CABCOCO1: variants seen among roughly 807,000 people sequenced by gnomAD.
The protein encoded by CABCOCO1 is ciliary associated calcium binding coiled-coil 1, also known as ciliary-associated calcium-binding coiled-coil protein 1.
CABCOCO1 carries 28 observed loss-of-function variants against 35.7 expected under a neutral mutation model. The ratio of observed to expected loss-of-function variants is 0.78; its 90% CI spans 0.58 to 1.07. CABCOCO1 has a LOEUF of 1.07. CABCOCO1 is among the 50% of genes least tolerant of loss of function. The pLI is 0.00. For missense variants in CABCOCO1, 326 were observed against 309.2 expected (o/e 1.05, Z -0.41); for synonymous variants, 95 against 100.1 (o/e 0.95, Z 0.30).
At chr10:61,675,016 T>C (rs1589111615) in intron 2 of CABCOCO1, among the ~76,000 whole-genome samples, 1 of 152,200 alleles carries the variant, frequency 6.6e-6, no homozygotes, top group East Asian at 1.9e-4. Context: ...GGTTTATTTC[T>C]GCATGTCATA....
At chr10:61,703,232 AC>A (rs1840505661) in intron 5 of CABCOCO1, among the ~76,000 whole-genome samples, 2 of 131,644 alleles carry the variant, frequency 1.5e-5, no homozygotes, top group Non-Finnish European at 3.4e-5. Flanking sequence ...GAGGAGACAC[AC>A]ACACACACAC....
chr10:61,667,379 G>T (rs926089633), intron 1 of CABCOCO1, among the ~76,000 whole-genome samples: 1 of 150,824 alleles, frequency 6.6e-6, no homozygotes, highest in African/African-American at 2.4e-5. Context: ...ATCTATTTTG[G>T]AAAGTTCACT....
At chr10:61,692,466 G>A (rs1384978029) in intron 5 of CABCOCO1, among the ~76,000 whole-genome samples, 1 of 152,118 alleles carries the variant, frequency 6.6e-6, no homozygotes, top group African/African-American at 2.4e-5. Flanking sequence ...AAGGGGCTTT[G>A]TTGCCTCCTA....
intron 5 of CABCOCO1, among the ~76,000 whole-genome samples, chr10:61,751,358 CA>C (rs1841780800): frequency 6.6e-6 from 1 of 151,492 alleles, no homozygotes; most frequent in African/African-American, 2.4e-5. Flanking sequence ...TTGAATCCTT[CA>C]AAAAATAGAA....
intron 5 of CABCOCO1, among the ~76,000 whole-genome samples, chr10:61,713,071 C>T (rs1165412933): frequency 6.6e-6 from 1 of 152,160 alleles, no homozygotes; most frequent in African/African-American, 2.4e-5. Flanking sequence ...ATGGGGATGG[C>T]ATTGAATCTA....
In CABCOCO1 at chr10:61,766,359, A is replaced by G. The variant is rs190183664; in HGVS notation, c.*346A>G. 6.1e-6 allele frequency: 1 copy of G among 164,232 alleles called. No homozygotes were observed. The highest frequency in any genetic ancestry group is 1.7e-4 in the East Asian group (1 of 5,980). 10.2% of individuals were successfully genotyped at this position (164,232 alleles called of 1,614,324 possible). On this transcript the variant is annotated 3_prime_UTR_variant, in exon 8 of 8. Transcript: ENST00000648843. ...GGAGAATGAAGTCAACTTTTTAAAT[A>G]ACCAGAAATAAAGAAAGATGATAAT...
Position 61,760,132 on chromosome 10 carries a change from T to G in CABCOCO1, c.626T>G (p.Ile209Ser), listed in dbSNP as rs769629521. The G allele has an allele frequency of 4.3e-6, 7 of 1,612,104 alleles. No individual in the cohort carries two copies. The highest frequency in any genetic ancestry group is 5.9e-6 in the Non-Finnish European group (7 of 1,178,590). ...CTGGAAGAAGGAATCTCATTTGATA[T>G]TTATTCAACATTCATAGAGCCCCCC... ...NPLEEGISFD[I>S]YSTFIEPPTI... The change falls in exon 6 of 8, where the codon ATT becomes AGT. Residue 209 changes from isoleucine to serine, a missense_variant. Physicochemically the swap from Ile to Ser is moderately radical, Grantham distance 142 (BLOSUM62 -2). Coordinates refer to ENST00000648843, the MANE Select transcript of CABCOCO1 (RefSeq NM_001366906.2).
chr10:61,679,327 A>T (rs10994871), intron 2 of CABCOCO1, among the ~76,000 whole-genome samples: 11 of 71,812 alleles, frequency 1.5e-4, no homozygotes, highest in African/African-American at 5.7e-4. Context: ...CTATATCTAT[A>T]TCTATCTATA....
intron 2 of CABCOCO1, among the ~76,000 whole-genome samples, chr10:61,680,108 C>T (rs886440959): frequency 3.3e-5 from 5 of 151,340 alleles, no homozygotes; most frequent in African/African-American, 1.2e-4. Flanking sequence ...ATCAGGAGTT[C>T]GAGACCAGCC....
chr10:61,672,762 T>C (rs1839398385), intron 2 of CABCOCO1, 27 bp downstream of exon 2: 1 of 982,010 alleles, frequency 1.0e-6, no homozygotes, highest in Non-Finnish European at 1.2e-6. Flanking sequence ...TACAATCACA[T>C]GTAGAAGAAC....
At chr10:61,692,852 A>G (rs1281539367) in intron 5 of CABCOCO1, among the ~76,000 whole-genome samples, 2 of 152,152 alleles carry the variant, frequency 1.3e-5, no homozygotes, top group Non-Finnish European at 1.5e-5. Context: ...ATTACCTCAT[A>G]TCGCGTGACA....
chr10:61,692,437 G>A (rs922153558), intron 5 of CABCOCO1, among the ~76,000 whole-genome samples: 2 of 152,100 alleles, frequency 1.3e-5, no homozygotes, highest in Non-Finnish European at 2.9e-5. Context: ...TAGTGCTTCT[G>A]TAGGTCCACA....
intron 5 of CABCOCO1, among the ~76,000 whole-genome samples, chr10:61,710,326 ACAT>A (rs1840703746): frequency 6.6e-6 from 1 of 151,474 alleles, no homozygotes; most frequent in Non-Finnish European, 1.5e-5. Context: ...AATGATAGAG[ACAT>A]CATTATAATA....
Position 61,664,453 on chromosome 10 carries a change from GA to G in CABCOCO1, c.60+1429del, listed in dbSNP as rs139899765. 1.6e-4 allele frequency among the ~76,000 whole-genome samples: 25 copies of G among 151,734 alleles called. No homozygotes were observed. In the South Asian group the frequency reaches 2.7e-3, roughly 16 times the overall value. On this transcript the variant is annotated intron_variant, in intron 1 of 7. Transcript: ENST00000648843. Reference sequence around the variant, plus strand: ...GATGTAAAGAAGTGCTATGCTTCAGGAAAAAAAATCATTTTATAATGGTTGA... The same window carrying G: ...GATGTAAAGAAGTGCTATGCTTCAGGAAAAAAATCATTTTATAATGGTTGA...
At chr10:61,681,441 C>A in intron 3 of CABCOCO1, 129 bp downstream of exon 3, 3 of 628,800 alleles carry the variant, frequency 4.8e-6, no homozygotes, top group Non-Finnish European at 7.6e-6. Flanking sequence ...CTGAGTATAA[C>A]AAATACATAG....
In CABCOCO1 at chr10:61,684,177, A is replaced by G. The variant is rs567570519; in HGVS notation, c.335-1864A>G. Among the ~76,000 whole-genome samples the G allele has an allele frequency of 2.0e-5, 3 of 152,342 alleles. No homozygotes were observed. The South Asian group carries it at 6.2e-4, about 32-fold the overall frequency. On this transcript the variant is annotated intron_variant, in intron 3 of 7. Transcript: ENST00000648843. ...ATGATATAGGAAAACCTAGTTATCC[A>G]GAAATAATTCAGTGTATCTGACATA... is the stretch of plus-strand genomic sequence containing the variant.
intron 5 of CABCOCO1, among the ~76,000 whole-genome samples, chr10:61,722,690 A>AT (rs776820431): frequency 3.3e-5 from 5 of 152,000 alleles, no homozygotes; most frequent in Non-Finnish European, 7.4e-5. Flanking sequence ...TAAAAAAAAA[A>AT]CTGGTAAAAT....
At chr10:61,721,805 A>G (rs1269629551) in intron 5 of CABCOCO1, among the ~76,000 whole-genome samples, 1 of 152,194 alleles carries the variant, frequency 6.6e-6, no homozygotes, top group Non-Finnish European at 1.5e-5. Context: ...ATCAAATGCT[A>G]CGACAGATTT....
chr10:61,701,792 T>C (rs1268639903), intron 5 of CABCOCO1: 8 of 985,026 alleles, frequency 8.1e-6, no homozygotes, highest in Non-Finnish European at 9.6e-6. Flanking sequence ...GAAAATAACC[T>C]GGATTTTCCA....
Sources: gnomAD v4.1 joint callset for allele counts (sites outside exome capture counted in the v4.1 genomes callset) on GRCh38, gnomAD v4.1.1 for gene constraint, MANE v1.5 for transcripts, NCBI Gene and HGNC (gene_info 2026-07-23, HGNC 2026-07-21) for gene names.